Variants in ZMIZ1 observed in about 807,000 individuals in gnomAD.
ZMIZ1 encodes zinc finger MIZ domain-containing protein 1.
In ZMIZ1, 17 loss-of-function variants were observed where a neutral mutation model predicts 113.9. The observed-to-expected ratio is 0.15, with a 90% CI of 0.10 to 0.22. ZMIZ1 has a LOEUF of 0.22. Among genes scored for constraint, ZMIZ1 ranks in the 10% least tolerant of loss-of-function variants. ZMIZ1 has a pLI of 1.00. For missense variants in ZMIZ1, 1,059 were observed against 1,477.8 expected, an observed-to-expected ratio of 0.72 and a Z score of 4.65; for synonymous variants, 607 against 603.1, an observed-to-expected ratio of 1.01 and a Z score of -0.09.
At chr10:79,188,624 A>AACCCCCCCCC (rs1847455016) in intron 4 of ZMIZ1, among the ~76,000 whole-genome samples, 1 of 77,848 alleles carries the variant, frequency 1.3e-5, no homozygotes. Flanking sequence ...CCTGTCCCCC[A>AACCCCCCCCC]CCCCCCTAGT....
chr10:79,285,546 CCA>C (rs1204876477), intron 8 of ZMIZ1: 1 of 456,132 alleles, frequency 2.2e-6, no homozygotes, highest in Non-Finnish European at 4.4e-6. Flanking sequence ...GGCCATGTGG[CCA>C]CAGACACACT....
intron 14 of ZMIZ1, 60 bp downstream of exon 14, chr10:79,297,750 C>G: frequency 6.9e-7 from 1 of 1,454,562 alleles, no homozygotes; most frequent in Middle Eastern, 1.7e-4. Flanking sequence ...TCTAAAGGTT[C>G]TCACTGTTCC....
chr10:79,102,518 A>AG (rs1263316711), intron 1 of ZMIZ1, among the ~76,000 whole-genome samples: 16 of 152,190 alleles, frequency 1.1e-4, no homozygotes, highest in Non-Finnish European at 2.2e-4. Context: ...CCAGGAGCTG[A>AG]GGGGGGACAG....
chr10:79,264,813 C>A (rs1851492780), intron 7 of ZMIZ1, among the ~76,000 whole-genome samples: 1 of 152,192 alleles, frequency 6.6e-6, no homozygotes, highest in Non-Finnish European at 1.5e-5. Flanking sequence ...GGGCACTTTG[C>A]AGAAGCATTT....
At chr10:79,145,264 A>C (rs1201506228) in intron 3 of ZMIZ1, among the ~76,000 whole-genome samples, 1 of 151,150 alleles carries the variant, frequency 6.6e-6, no homozygotes, top group African/African-American at 2.4e-5. Context: ...TCACATTTCC[A>C]TCCCAGTGCT....
intron 7 of ZMIZ1, among the ~76,000 whole-genome samples, chr10:79,259,771 C>A (rs911680055): frequency 6.6e-6 from 1 of 152,018 alleles, no homozygotes; most frequent in African/African-American, 2.4e-5. Flanking sequence ...TCACACCACG[C>A]CCTGCTAATT....
At chr10:79,092,652 C>T (rs2132230796) in intron 1 of ZMIZ1, among the ~76,000 whole-genome samples, 1 of 152,302 alleles carries the variant, frequency 6.6e-6, no homozygotes, top group South Asian at 2.1e-4. Flanking sequence ...CTTCTAGGCC[C>T]ATTTGACATT....
chr10:79,076,590 C>T (rs535802710), intron 1 of ZMIZ1, among the ~76,000 whole-genome samples: 106 of 152,336 alleles, frequency 7.0e-4, no homozygotes, highest in African/African-American at 2.5e-3. Flanking sequence ...AATCTCAGCA[C>T]TCTGGGAGGC....
At chr10:79,251,413 C>T (rs1850549583) in intron 7 of ZMIZ1, among the ~76,000 whole-genome samples, 2 of 152,166 alleles carry the variant, frequency 1.3e-5, no homozygotes, top group Admixed American at 6.5e-5. Context: ...ACGTGGTTCT[C>T]CTCATGTTTG....
Position 79,069,936 on chromosome 10 carries a change from A to AG in ZMIZ1, c.-337+670dup, listed in dbSNP as rs1284694242. On this transcript the variant is annotated intron_variant, in intron 1 of 24. Coordinates refer to ENST00000334512, the MANE Select transcript of ZMIZ1 (RefSeq NM_020338.4). This position sits in a 1 kb window ranked among gnomAD's most constrained non-coding sequence, Gnocchi z 4.6. ...TTTCTCCCAGGGCTTCGCAAGCCAG[A>AG]GGGGCGCTCAGGCCAGTGCCTGGAC... Among the ~76,000 whole-genome samples, 3 of 151,520 alleles carry AG rather than the reference A, an allele frequency of 2.0e-5. No individual in the cohort carries two copies. The highest frequency in any genetic ancestry group is 4.4e-5 in the Non-Finnish European group (3 of 67,858).
chr10:79,267,047 T>G (rs1589524063), intron 7 of ZMIZ1, among the ~76,000 whole-genome samples: 1 of 151,938 alleles, frequency 6.6e-6, no homozygotes, highest in Non-Finnish European at 1.5e-5. Context: ...AGCTGCAAAG[T>G]CCCCCCAGCC....
At chr10:79,177,174 G>T (rs944377890) in intron 4 of ZMIZ1, among the ~76,000 whole-genome samples, 5 of 152,346 alleles carry the variant, frequency 3.3e-5, no homozygotes, top group African/African-American at 1.2e-4. Flanking sequence ...TCCTGTTGGG[G>T]CTGGACTCAG....
intron 11 of ZMIZ1, 148 bp from the exon 12 acceptor site, chr10:79,293,233 T>A: frequency 1.1e-6 from 1 of 947,074 alleles, no homozygotes; most frequent in South Asian, 1.7e-5. Context: ...CCCTGGGGCC[T>A]GGTTGGTCAC....
At chr10:79,289,747 G>A in intron 8 of ZMIZ1, 28 bp from the exon 9 acceptor site, 1 of 1,603,946 alleles carries the variant, frequency 6.2e-7, no homozygotes, top group East Asian at 2.2e-5. Context: ...GCCAGGCCCT[G>A]AAGATCTCCC....
chr10:79,238,007 T>C (rs1373696200), intron 7 of ZMIZ1, among the ~76,000 whole-genome samples: 1 of 152,216 alleles, frequency 6.6e-6, no homozygotes, highest in Non-Finnish European at 1.5e-5. Flanking sequence ...GGCCAGTTCC[T>C]TCCTGTCTCC....
At chr10:79,285,176 A>T (rs1417338937) in intron 8 of ZMIZ1, among the ~76,000 whole-genome samples, 1 of 152,142 alleles carries the variant, frequency 6.6e-6, no homozygotes, top group African/African-American at 2.4e-5. Context: ...CTTGCCCTTG[A>T]TTGGCTCTGC....
At chr10:79,198,927 G>A (rs1202618652) in intron 4 of ZMIZ1, among the ~76,000 whole-genome samples, 1 of 152,092 alleles carries the variant, frequency 6.6e-6, no homozygotes, top group Non-Finnish European at 1.5e-5. Context: ...CCAGCTACTT[G>A]GGAAGCTAAG....
At chr10:79,298,326 A>C in intron 14 of ZMIZ1, 80 bp from the exon 15 acceptor site, 8 of 1,453,050 alleles carry the variant, frequency 5.5e-6, no homozygotes, top group Non-Finnish European at 6.5e-6. Flanking sequence ...CCCTGGGATG[A>C]GTGCGGTGTA....
chr10:79,100,421 C>G (rs1441178437), intron 1 of ZMIZ1, among the ~76,000 whole-genome samples: 1 of 127,704 alleles, frequency 7.8e-6, no homozygotes, highest in Non-Finnish European at 1.6e-5. Flanking sequence ...TCCTGGGCAA[C>G]ATAGACACCA....
Sources: gnomAD v4.1 joint callset for allele counts (sites outside exome capture counted in the v4.1 genomes callset) on GRCh38, gnomAD v4.1.1 for gene constraint, Gnocchi (gnomAD v3.1) non-coding constraint, MANE v1.5 for transcripts, NCBI Gene and HGNC (gene_info 2026-07-23, HGNC 2026-07-21) for gene names.